Variants in SH3KBP1 observed in about 807,000 individuals in gnomAD.
SH3KBP1 encodes SH3 domain-containing kinase-binding protein 1.
Under a neutral mutation model 50.1 loss-of-function variants are expected in SH3KBP1, and 8 were observed. That is an observed-to-expected ratio of 0.16 (90% CI 0.09 to 0.29). The LOEUF (loss-of-function observed/expected upper bound fraction) is 0.29. SH3KBP1 is among the 10% of genes least tolerant of loss of function. The pLI is 1.00. For synonymous variants in SH3KBP1, 227 were observed against 218.6 expected, an observed-to-expected ratio of 1.04 and a Z score of -0.34; for missense variants, 377 against 535.2, an observed-to-expected ratio of 0.70 and a Z score of 2.92.
chrX:19,855,039 G>A (rs1418756327), intron 1 of SH3KBP1, among the ~76,000 whole-genome samples: 6 of 111,140 alleles, frequency 5.4e-5, no homozygotes, highest in Admixed American at 1.9e-4. Flanking sequence ...GCAGTGGTGC[G>A]ATGTCGGCTC....
At chrX:19,853,147 T>G (rs1251838263) in intron 1 of SH3KBP1, among the ~76,000 whole-genome samples, 3 of 112,847 alleles carry the variant, frequency 2.7e-5, no homozygotes, top group Non-Finnish European at 5.6e-5. Flanking sequence ...TGTGTGTATG[T>G]GCGTGTGCAC....
At chrX:19,543,083 G>A (rs754741220) in intron 15 of SH3KBP1, among the ~76,000 whole-genome samples, 17 of 111,807 alleles carry the variant, frequency 1.5e-4, no homozygotes, top group Admixed American at 6.6e-4. Context: ...GTGATGTGGC[G>A]AAGGCAAGCA....
chrX:19,850,793 G>A (rs2068486053), intron 1 of SH3KBP1, among the ~76,000 whole-genome samples: 2 of 110,383 alleles, frequency 1.8e-5, no homozygotes, highest in African/African-American at 6.6e-5. Context: ...AACTTCCACA[G>A]GCATCTCTAT....
At chrX:19,539,804 G>A (rs761577979) in intron 16 of SH3KBP1, among the ~76,000 whole-genome samples, 5 of 111,844 alleles carry the variant, frequency 4.5e-5, no homozygotes, top group South Asian at 3.8e-4. Context: ...CCCTGGGCAC[G>A]AAGGCCAGAC....
rs1475697975 is a variant in SH3KBP1 at position 19,537,753 on chromosome X, C to T, written c.1920G>A (p.Glu640=). ...GCCGGATTTTCTTCTCTTCATCCAA[C>T]TCAGACAATAACTGTTTAATCTCTC... ...QKREIKQLLS[E]LDEEKKIRLR... Residue 640 remains glutamate, a synonymous_variant, in exon 17 of 18, where the codon GAG becomes GAA. Coordinates refer to ENST00000397821, the MANE Select transcript of SH3KBP1 (RefSeq NM_031892.3). 11 of 1,209,658 alleles carry T rather than the reference C, an allele frequency of 9.1e-6. No individual in the cohort carries two copies. In the Admixed American group the frequency reaches 1.1e-4, roughly 12 times the overall value.
At chrX:19,587,844 G>A (rs1327495479) in intron 12 of SH3KBP1, among the ~76,000 whole-genome samples, 1 of 112,357 alleles carries the variant, frequency 8.9e-6, no homozygotes, top group Non-Finnish European at 1.9e-5. Flanking sequence ...GTGTTGACAT[G>A]TATACCTAAA....
chrX:19,581,211 G>A (rs896581396), intron 12 of SH3KBP1, among the ~76,000 whole-genome samples: 3 of 111,684 alleles, frequency 2.7e-5, no homozygotes, highest in Non-Finnish European at 5.6e-5. Flanking sequence ...TCAAAGCACC[G>A]GGATTACACA....
At chrX:19,802,910 G>A (rs1041152585) in intron 2 of SH3KBP1, among the ~76,000 whole-genome samples, 2 of 111,479 alleles carry the variant, frequency 1.8e-5, no homozygotes, top group Non-Finnish European at 3.8e-5. Context: ...TCTCTTTCGG[G>A]AAGGGCACCA....
intron 2 of SH3KBP1, among the ~76,000 whole-genome samples, chrX:19,808,036 C>G (rs2067101526): frequency 9.0e-6 from 1 of 111,345 alleles, no homozygotes; most frequent in African/African-American, 3.3e-5. Context: ...TTTTTGTCCC[C>G]TCTCTTGGCT....
chrX:19,725,924 C>T (rs774562671), intron 3 of SH3KBP1, among the ~76,000 whole-genome samples: 2 of 112,003 alleles, frequency 1.8e-5, no homozygotes, highest in East Asian at 2.8e-4. Flanking sequence ...GATGGAACCA[C>T]GTTGCCTATG....
chrX:19,652,045 C>T (rs1309229107), intron 6 of SH3KBP1, among the ~76,000 whole-genome samples: 1 of 111,385 alleles, frequency 9.0e-6, no homozygotes, highest in Non-Finnish European at 1.9e-5. Context: ...TTCACTCACC[C>T]TTTGCCCTAG....
rs776438819 is a variant in SH3KBP1, at chrX:19,872,898, AAC to A, written c.4+14407_4+14408del. Among the ~76,000 whole-genome samples the A allele has an allele frequency of 1.4e-3, 152 of 109,113 alleles. 1 individual carries two copies. Among genetic ancestry groups the A allele is most frequent in the African/African-American group, 4.9e-3 (146 of 29,812 alleles). 94.8% of individuals were successfully genotyped at this position (109,113 alleles called of 115,157 possible). A position where few individuals can be genotyped will look rare whatever the true frequency, so the allele number is the denominator to read the frequency against. On this transcript the variant is annotated intron_variant, in intron 1 of 17. Transcript: ENST00000397821. ...TATAAAAGGGATGATAAGCCATATG[AAC>A]ACAGAGTTTCTAGAACTAAAACTGA...
chrX:19,755,924 C>A (rs1810390121), intron 2 of SH3KBP1, among the ~76,000 whole-genome samples: 2 of 111,739 alleles, frequency 1.8e-5, no homozygotes, highest in African/African-American at 6.5e-5. Flanking sequence ...TCAAATCGAT[C>A]ATGACCCTCT....
Position 19,542,053 on chromosome X carries a change from C to T in SH3KBP1, c.1764G>A (p.Pro588=), listed in dbSNP as rs200949699. 2.2e-4 allele frequency: 269 copies of T among 1,210,341 alleles called. 1 individual carries two copies. The Middle Eastern group carries it at 6.0e-3, about 27-fold the overall frequency. The change falls in exon 16 of 18, where the codon CCG becomes CCA. Residue 588 remains proline, a synonymous_variant. Coordinates refer to ENST00000397821, the MANE Select transcript of SH3KBP1 (RefSeq NM_031892.3). ...GTTTTCCTTCCGTGCCGAACAGAGA[C>T]GGGGAGTTGGCTCTGTGTCCAGCTG... ...LGTAGHRANS[P]SLFGTEGKPK...
At chrX:19,714,931 T>C (rs190079923) in intron 3 of SH3KBP1, among the ~76,000 whole-genome samples, 7 of 111,526 alleles carry the variant, frequency 6.3e-5, no homozygotes, top group African/African-American at 2.3e-4. Context: ...TCTGAAGTAT[T>C]TAGGGATGAA....
intron 13 of SH3KBP1, among the ~76,000 whole-genome samples, chrX:19,562,758 T>C (rs2065722346): frequency 9.0e-6 from 1 of 111,455 alleles, no homozygotes; most frequent in Non-Finnish European, 1.9e-5. Context: ...ACACAGCTAC[T>C]AGCCTCTGTG....
chrX:19,725,561 C>G (rs1401610521), intron 3 of SH3KBP1, among the ~76,000 whole-genome samples: 1 of 111,778 alleles, frequency 8.9e-6, no homozygotes, highest in Non-Finnish European at 1.9e-5. Context: ...CACATAGGGA[C>G]AGTTGGGGAC....
At chrX:19,668,833 G>T (rs193096304) in intron 6 of SH3KBP1, among the ~76,000 whole-genome samples, 2 of 79,224 alleles carry the variant, frequency 2.5e-5, no homozygotes, top group African/African-American at 1.0e-4. Flanking sequence ...CAGCCTGGGC[G>T]ACAGGGTGAG....
At chrX:19,608,317 T>C (rs1176399683) in intron 8 of SH3KBP1, among the ~76,000 whole-genome samples, 2 of 103,357 alleles carry the variant, frequency 1.9e-5, no homozygotes, top group Non-Finnish European at 4.0e-5. Flanking sequence ...TTTTTTTTTT[T>C]TTTTTTTTTG....
Sources: allele counts gnomAD v4.1 joint callset (sites outside exome capture counted in the v4.1 genomes callset), GRCh38; gene constraint gnomAD v4.1.1; transcripts MANE v1.5; gene names NCBI Gene and HGNC (gene_info 2026-07-23, HGNC 2026-07-21).